Variants in PCDH9 observed in about 807,000 individuals in gnomAD.
PCDH9 encodes protocadherin-9.
Under a neutral mutation model 70.6 loss-of-function variants are expected in PCDH9, and 24 were observed. The observed-to-expected ratio is 0.34, with a 90% CI of 0.25 to 0.48. PCDH9 has a LOEUF of 0.48. Ranked by LOEUF, PCDH9 falls within the 20% of genes least tolerant of loss-of-function variation. PCDH9 has a pLI of 0.99. For synonymous variants in PCDH9, 562 were observed against 558.5 expected (o/e 1.01, Z -0.09); for missense variants, 1,281 against 1,503.6 (o/e 0.85, Z 2.45).
At position 66,602,031 on chromosome 13, in the gene PCDH9, TA is replaced by T. The variant is rs767026569; in HGVS notation, c.3340+29178del. Among the ~76,000 whole-genome samples the T allele has an allele frequency of 3.4e-5, 5 of 145,784 alleles. No individual in the cohort carries two copies. The East Asian group carries it at 9.7e-4, about 28-fold the overall frequency. ...TATTAAAAAAAAAGTTACTTTTACTTAAAAAAAATGCCTGGAGGGCCTAGCT... is the reference window on the plus strand; with the variant it reads ...TATTAAAAAAAAAGTTACTTTTACTTAAAAAAATGCCTGGAGGGCCTAGCT... On this transcript the variant is annotated intron_variant, in intron 4 of 4. Transcript: ENST00000377865.
chr13:66,685,403 C>T (rs1329315130), intron 3 of PCDH9, among the ~76,000 whole-genome samples: 1 of 152,190 alleles, frequency 6.6e-6, no homozygotes, highest in African/African-American at 2.4e-5. Context: ...TGAGAACCTC[C>T]ACCTATATCC....
chr13:66,490,023 C>T (rs1959007367), intron 4 of PCDH9, among the ~76,000 whole-genome samples: 1 of 152,134 alleles, frequency 6.6e-6, no homozygotes, highest in South Asian at 2.1e-4. Context: ...GGTACATGTG[C>T]ACAACGTGCA....
chr13:67,129,869 G>GA (rs1311049830), intron 2 of PCDH9, among the ~76,000 whole-genome samples: 1 of 151,646 alleles, frequency 6.6e-6, no homozygotes, highest in African/African-American at 2.4e-5. Flanking sequence ...TAAAAGCAGA[G>GA]AAAAAATTAA....
intron 3 of PCDH9, among the ~76,000 whole-genome samples, chr13:66,785,653 T>C (rs1383044091): frequency 2.6e-5 from 4 of 152,106 alleles, no homozygotes; most frequent in Non-Finnish European, 4.4e-5. Flanking sequence ...CATTTCTGTA[T>C]ATCTATCTTT....
At chr13:66,550,268 C>A (rs1036809074) in intron 4 of PCDH9, among the ~76,000 whole-genome samples, 3 of 151,842 alleles carry the variant, frequency 2.0e-5, no homozygotes, top group Non-Finnish European at 4.4e-5. Flanking sequence ...GTTCATAAAA[C>A]CCTTATTATG....
intron 2 of PCDH9, among the ~76,000 whole-genome samples, chr13:66,947,141 T>C (rs1044298415): frequency 6.6e-6 from 1 of 152,170 alleles, no homozygotes; most frequent in Non-Finnish European, 1.5e-5. Flanking sequence ...GCAGGACAGG[T>C]TGCAATGGCT....
At chr13:66,852,868 T>G (rs1189076557) in intron 3 of PCDH9, among the ~76,000 whole-genome samples, 1 of 152,126 alleles carries the variant, frequency 6.6e-6, no homozygotes, top group Non-Finnish European at 1.5e-5. Context: ...GATTAGACTA[T>G]CAGGAGGTGA....
intron 4 of PCDH9, among the ~76,000 whole-genome samples, chr13:66,434,272 C>T (rs747032088): frequency 6.6e-5 from 10 of 151,740 alleles, no homozygotes; most frequent in African/African-American, 9.7e-5. Context: ...AAACCAGGGA[C>T]ATTTAAACAT....
intron 4 of PCDH9, among the ~76,000 whole-genome samples, chr13:66,360,074 T>C (rs535720911): frequency 1.3e-4 from 20 of 152,118 alleles, no homozygotes; most frequent in African/African-American, 4.6e-4. Context: ...ATGTTGGCAG[T>C]AGGTATGAAA....
At chr13:67,106,928 C>G (rs1300175206) in intron 2 of PCDH9, among the ~76,000 whole-genome samples, 3 of 152,194 alleles carry the variant, frequency 2.0e-5, no homozygotes, top group Non-Finnish European at 4.4e-5. Flanking sequence ...GCCTTGGCCC[C>G]CTGTGTAATT....
chr13:66,771,379 A>G (rs2079804312), intron 3 of PCDH9, among the ~76,000 whole-genome samples: 1 of 152,008 alleles, frequency 6.6e-6, no homozygotes, highest in Non-Finnish European at 1.5e-5. Context: ...TTCTAATCTT[A>G]GATCGTTGTC....
At chr13:67,152,962 C>T (rs926887152) in intron 2 of PCDH9, among the ~76,000 whole-genome samples, 4 of 151,866 alleles carry the variant, frequency 2.6e-5, no homozygotes, top group South Asian at 2.1e-4. Flanking sequence ...ATGTATCCCC[C>T]GCCCCAGTGA....
intron 4 of PCDH9, among the ~76,000 whole-genome samples, chr13:66,325,242 G>A (rs369566499): frequency 1.1e-4 from 17 of 152,078 alleles, no homozygotes; most frequent in African/African-American, 4.1e-4. Flanking sequence ...TTCTAGCGAT[G>A]GATGTTGTGG....
At chr13:66,806,619 T>C (rs2080414176) in intron 3 of PCDH9, among the ~76,000 whole-genome samples, 1 of 152,156 alleles carries the variant, frequency 6.6e-6, no homozygotes, top group Non-Finnish European at 1.5e-5. Flanking sequence ...ATTAGCAGCA[T>C]CGTTTCTGGG....
At position 66,520,009 on chromosome 13, in the gene PCDH9, A is replaced by G. The variant is rs149796821; in HGVS notation, c.3340+111201T>C. Among the ~76,000 whole-genome samples, 639 of 152,192 alleles carry G rather than the reference A, an allele frequency of 4.2e-3. 4 individuals are homozygous for G. Among genetic ancestry groups the G allele is most frequent in the South Asian group, 0.018 (87 of 4,812 alleles). The stretch of plus-strand genomic sequence containing the variant: ...CTTTTCTGCCAAAGCAGCAATCCAA[A>G]TCGGTTCAGGACAAAAAAGTGAGCG... On this transcript the variant is annotated intron_variant, in intron 4 of 4. Coordinates refer to ENST00000377865, the MANE Select transcript of PCDH9 (RefSeq NM_203487.3).
intron 4 of PCDH9, among the ~76,000 whole-genome samples, chr13:66,433,803 T>C (rs1394241735): frequency 6.6e-6 from 1 of 151,896 alleles, no homozygotes; most frequent in Non-Finnish European, 1.5e-5. Context: ...ATATTAGGAA[T>C]ATATTTTTAT....
chr13:66,391,669 G>T (rs1487266552), intron 4 of PCDH9, among the ~76,000 whole-genome samples: 1 of 151,908 alleles, frequency 6.6e-6, no homozygotes, highest in Admixed American at 6.6e-5. Flanking sequence ...ATAAATAAAT[G>T]AACAACTTGA....
chr13:67,129,640 T>A (rs12431369), intron 2 of PCDH9, among the ~76,000 whole-genome samples: 34,956 of 151,608 alleles, frequency 0.23, 4,109 homozygotes, highest in Middle Eastern at 0.27. Flanking sequence ...TATATATATG[T>A]ATTTTAGCTA....
At chr13:66,762,161 T>C (rs1350757313) in intron 3 of PCDH9, among the ~76,000 whole-genome samples, 3 of 152,180 alleles carry the variant, frequency 2.0e-5, no homozygotes, top group African/African-American at 7.2e-5. Flanking sequence ...AGTGCGATGC[T>C]GGAATTCCAT....
Sources: gnomAD v4.1 joint callset for allele counts (sites outside exome capture counted in the v4.1 genomes callset) on GRCh38, gnomAD v4.1.1 for gene constraint, MANE v1.5 for transcripts, NCBI Gene and HGNC (gene_info 2026-07-23, HGNC 2026-07-21) for gene names.